MOGAT1: variants seen among roughly 807,000 people sequenced by gnomAD.
The protein encoded by MOGAT1 is 2-acylglycerol O-acyltransferase 1.
MOGAT1 carries 32 observed loss-of-function variants against 31.4 expected under a neutral mutation model. The observed-to-expected ratio is 1.02, with a 90% CI of 0.77 to 1.37. The LOEUF (loss-of-function observed/expected upper bound fraction) is 1.37. Ranked by LOEUF, MOGAT1 falls within the 40% of genes most tolerant of loss-of-function variation. MOGAT1 has a pLI of 0.00. For synonymous variants in MOGAT1, 145 were observed against 144.5 expected (o/e 1.00, Z -0.03); for missense variants, 426 against 402.0 (o/e 1.06, Z -0.51).
intron 1 of MOGAT1, among the ~76,000 whole-genome samples, chr2:222,688,066 C>T (rs1250170377): frequency 6.6e-6 from 1 of 152,148 alleles, no homozygotes; most frequent in Non-Finnish European, 1.5e-5. Context: ...CCACCTCCCC[C>T]TTCAAAAATA....
intron 5 of MOGAT1, among the ~76,000 whole-genome samples, chr2:222,703,872 G>GA (rs1479561118): frequency 2.0e-5 from 3 of 149,832 alleles, no homozygotes; most frequent in South Asian, 2.1e-4. Context: ...GCCTCCACGA[G>GA]AAAAAAAATA....
chr2:222,707,281 G>GGGAAGGAAGGAA (rs374278921), intron 5 of MOGAT1, among the ~76,000 whole-genome samples: 1 of 142,562 alleles, frequency 7.0e-6, no homozygotes, highest in Non-Finnish European at 1.5e-5. Flanking sequence ...GAAAGAAGGA[G>GGGAAGGAAGGAA]GGAAGGAAGG....
intron 5 of MOGAT1, among the ~76,000 whole-genome samples, chr2:222,706,649 G>A (rs930349633): frequency 4.6e-5 from 7 of 152,146 alleles, no homozygotes; most frequent in African/African-American, 1.7e-4. Flanking sequence ...AAAGTAAGCA[G>A]AGAAGAACAC....
At position 222,671,831 on chromosome 2, in the gene MOGAT1, C is replaced by T. The variant is rs777274652; in HGVS notation, c.46C>T (p.Leu16=). The change falls in exon 1 of 6, where the codon CTG becomes TTG. Residue 16 remains leucine (L), a synonymous_variant. Coordinates refer to ENST00000446656, the MANE Select transcript of MOGAT1 (RefSeq NM_058165.3). ...APLNIQLARR[L]QTVAVLQWVL... ...GCTCAACATCCAGCTGGCGCGGCGG[C>T]TGCAGACGGTGGCCGTGCTGCAGTG... 8 of 1,553,640 alleles carry T rather than the reference C, an allele frequency of 5.1e-6. No homozygotes were observed. The African/African-American group carries it at 1.1e-4, about 21-fold the overall frequency.
chr2:222,684,955 T>A (rs78128202), intron 1 of MOGAT1, among the ~76,000 whole-genome samples: 1 of 152,104 alleles, frequency 6.6e-6, no homozygotes, highest in Non-Finnish European at 1.5e-5. Flanking sequence ...TAGAGAAAAA[T>A]TGTTAGAATC....
At chr2:222,703,698 C>G (rs575430316) in intron 5 of MOGAT1, among the ~76,000 whole-genome samples, 33 of 152,266 alleles carry the variant, frequency 2.2e-4, no homozygotes, top group African/African-American at 7.9e-4. Flanking sequence ...TAACCCTTGT[C>G]GGCCACACAG....
At chr2:222,706,239 G>A (rs868102051) in intron 5 of MOGAT1, among the ~76,000 whole-genome samples, 2 of 152,130 alleles carry the variant, frequency 1.3e-5, no homozygotes, top group East Asian at 1.9e-4. Context: ...TTGGGAGGCC[G>A]AGGCAGGTGG....
At chr2:222,683,463 C>T (rs1692616217) in intron 1 of MOGAT1, among the ~76,000 whole-genome samples, 2 of 151,114 alleles carry the variant, frequency 1.3e-5, no homozygotes. Flanking sequence ...CGCAGTGGCT[C>T]ACGCTTGTAA....
chr2:222,705,437 G>A (rs983385152), intron 5 of MOGAT1, among the ~76,000 whole-genome samples: 3 of 152,190 alleles, frequency 2.0e-5, no homozygotes, highest in Non-Finnish European at 4.4e-5. Context: ...AGGATTTGAA[G>A]CAAGCTAGGG....
intron 5 of MOGAT1, among the ~76,000 whole-genome samples, chr2:222,703,573 C>T (rs1692960690): frequency 6.6e-6 from 1 of 151,998 alleles, no homozygotes; most frequent in Non-Finnish European, 1.5e-5. Context: ...TGGATCTATA[C>T]ATACTCACAT....
At chr2:222,687,113 CAAAAAAAAA>C (rs1177781176) in intron 1 of MOGAT1, among the ~76,000 whole-genome samples, 42 of 22,462 alleles carry the variant, frequency 1.9e-3, no homozygotes, top group African/African-American at 5.5e-3. Flanking sequence ...GACTCCATCT[CAAAAAAAAA>C]AAAAAAAAAA....
chr2:222,680,835 A>G (rs913021420), intron 1 of MOGAT1, among the ~76,000 whole-genome samples: 2 of 152,360 alleles, frequency 1.3e-5, no homozygotes, highest in Non-Finnish European at 1.5e-5. Flanking sequence ...AAAGTCTTAA[A>G]TTATTTCTTA....
intron 2 of MOGAT1, among the ~76,000 whole-genome samples, chr2:222,688,871 C>A (rs1350546130): frequency 6.6e-6 from 1 of 152,220 alleles, no homozygotes; most frequent in Non-Finnish European, 1.5e-5. Context: ...AACAAACCCA[C>A]TTCTGTGATA....
At chr2:222,691,265 T>C (rs1254458273) in intron 3 of MOGAT1, among the ~76,000 whole-genome samples, 1 of 152,024 alleles carries the variant, frequency 6.6e-6, no homozygotes. Flanking sequence ...GGGAGTGCAA[T>C]GGCGTGATCT....
At chr2:222,701,550 AAAG>A (rs796877790) in intron 5 of MOGAT1, among the ~76,000 whole-genome samples, 129 of 145,786 alleles carry the variant, frequency 8.8e-4, no homozygotes, top group African/African-American at 2.9e-3. Flanking sequence ...AAAAAAGAAA[AAAG>A]AAAGAAAGAG....
chr2:222,695,186 C>T lies in MOGAT1; in HGVS notation c.751C>T (p.Leu251=). ...GSWIRTVQNK[L]QKIMGFALPL... The stretch of plus-strand genomic sequence containing the variant: ...ATGGATTAGAACTGTTCAGAATAAA[C>T]TGCAGAAGATCATGGGGTTTGCTTT... Residue 251 remains leucine, a synonymous_variant, in exon 5 of 6, where the codon CTG becomes TTG. Coordinates refer to ENST00000446656, the MANE Select transcript of MOGAT1 (RefSeq NM_058165.3). The T allele has an allele frequency of 6.2e-7, 1 of 1,613,676 alleles. No homozygotes were observed. The highest frequency in any genetic ancestry group is 8.5e-7 in the Non-Finnish European group (1 of 1,179,712).
At chr2:222,694,586 T>C (rs750797430) in intron 4 of MOGAT1, 50 bp downstream of exon 4, 3 of 1,559,690 alleles carry the variant, frequency 1.9e-6, no homozygotes, top group South Asian at 2.4e-5. Flanking sequence ...TAAGACATTA[T>C]TAAACAAACC....
Position 222,709,777 on chromosome 2 carries a change from C to T in MOGAT1, c.895C>T (p.Gln299Ter), listed in dbSNP as rs62186278. Reference sequence around the variant, plus strand: ...TGTTCGTCAGACTCTGAACCCGACCCAGGAGCAGATTGAGGAGTTACATCA... The same window carrying T: ...TGTTCGTCAGACTCTGAACCCGACCTAGGAGCAGATTGAGGAGTTACATCA... ...IPVRQTLNPT[Q>*]EQIEELHQTY... Residue 299 changes from glutamine (Q) to a stop codon, truncating the protein, a stop_gained, in exon 6 of 6, where the codon CAG (glutamine) becomes TAG (stop). Coordinates refer to ENST00000446656, the MANE Select transcript of MOGAT1 (RefSeq NM_058165.3). LOFTEE classifies it high-confidence loss of function. The T allele has an allele frequency of 1.2e-4, 198 of 1,613,246 alleles. No individual in the cohort carries two copies. The highest frequency in any genetic ancestry group is 1.6e-4 in the Non-Finnish European group (184 of 1,179,598).
chr2:222,689,264 G>A lies in MOGAT1; in HGVS notation c.274-1G>A. ...AAAATCTCAATATGAATGTGCTGTA[G>A]CTTATCAAAACTCAAGATTTGGATC... is the stretch of plus-strand genomic sequence containing the variant. On this transcript the variant is annotated splice_acceptor_variant, in intron 2 of 5. Transcript: ENST00000446656. LOFTEE classifies it high-confidence loss of function. 2 of 1,610,758 alleles carry A rather than the reference G, an allele frequency of 1.2e-6. No homozygotes were observed. The highest frequency in any genetic ancestry group is 1.7e-6 in the Non-Finnish European group (2 of 1,177,800).
Sources: allele counts gnomAD v4.1 joint callset (sites outside exome capture counted in the v4.1 genomes callset), GRCh38; gene constraint gnomAD v4.1.1; transcripts MANE v1.5; gene names NCBI Gene and HGNC (gene_info 2026-07-23, HGNC 2026-07-21).